Variants in GALNTL6 observed in about 807,000 individuals in gnomAD.
The protein encoded by GALNTL6 is polypeptide N-acetylgalactosaminyltransferase-like 6.
Under a neutral mutation model 73.7 loss-of-function variants are expected in GALNTL6, and 46 were observed. That is an observed-to-expected ratio of 0.62 (90% CI 0.49 to 0.80). The LOEUF (loss-of-function observed/expected upper bound fraction) is 0.80. Among genes scored for constraint, GALNTL6 ranks in the 30% least tolerant of loss-of-function variants. The probability of loss-of-function intolerance (pLI) is 0.00; values close to 1 mark genes in which losing one functional copy is unlikely to be tolerated. For synonymous variants in GALNTL6, 259 were observed against 263.7 expected (o/e 0.98, Z 0.17); for missense variants, 604 against 755.0 (o/e 0.80, Z 2.34).
chr4:172,156,698 C>A (rs1734301253), intron 2 of GALNTL6, among the ~76,000 whole-genome samples: 1 of 151,000 alleles, frequency 6.6e-6, no homozygotes, highest in South Asian at 2.1e-4. Flanking sequence ...AAAACACAAT[C>A]AAGTTGGGGA....
chr4:172,290,676 G>A (rs1379755689), intron 3 of GALNTL6, among the ~76,000 whole-genome samples: 4 of 151,866 alleles, frequency 2.6e-5, no homozygotes, highest in Non-Finnish European at 5.9e-5. Context: ...TGTATAAAAT[G>A]TCTAATAGAG....
chr4:172,365,705 TAA>T (rs11303194), intron 5 of GALNTL6, among the ~76,000 whole-genome samples: 16 of 133,168 alleles, frequency 1.2e-4, no homozygotes, highest in Admixed American at 2.3e-4. Context: ...GTGGGAAATC[TAA>T]AAAAAAAAAA....
chr4:172,168,451 A>C (rs1446642974), intron 2 of GALNTL6, among the ~76,000 whole-genome samples: 2 of 152,166 alleles, frequency 1.3e-5, no homozygotes, highest in Non-Finnish European at 2.9e-5. Flanking sequence ...ATAGATTGGC[A>C]TATAGACACT....
At chr4:172,958,724 T>A (rs968968183) in intron 10 of GALNTL6, among the ~76,000 whole-genome samples, 3 of 152,166 alleles carry the variant, frequency 2.0e-5, no homozygotes, top group African/African-American at 7.2e-5. Flanking sequence ...ATGGGGGCTG[T>A]CTGTGAAGCC....
chr4:172,210,836 C>T (rs1016543054), intron 2 of GALNTL6, among the ~76,000 whole-genome samples: 2 of 152,132 alleles, frequency 1.3e-5, no homozygotes, highest in African/African-American at 4.8e-5. Context: ...ATATTTTGGT[C>T]TTTTCCCACT....
chr4:172,424,293 A>G (rs1201055016), intron 5 of GALNTL6, among the ~76,000 whole-genome samples: 1 of 152,028 alleles, frequency 6.6e-6, no homozygotes, highest in Non-Finnish European at 1.5e-5. Flanking sequence ...AATATTTTAC[A>G]TATCATGAGA....
At chr4:172,910,883 T>C (rs1038051750) in intron 8 of GALNTL6, among the ~76,000 whole-genome samples, 8 of 152,190 alleles carry the variant, frequency 5.3e-5, no homozygotes, top group Admixed American at 2.0e-4. Flanking sequence ...AAGCACTGTT[T>C]GCAGTGAATG....
At chr4:171,905,024 G>C (rs201509964) in intron 2 of GALNTL6, among the ~76,000 whole-genome samples, 2 of 151,622 alleles carry the variant, frequency 1.3e-5, no homozygotes, top group Non-Finnish European at 2.9e-5. Context: ...CAACCGATAC[G>C]AGCCACTGCA....
At chr4:171,933,404 A>G (rs1427550415) in intron 2 of GALNTL6, among the ~76,000 whole-genome samples, 1 of 152,218 alleles carries the variant, frequency 6.6e-6, no homozygotes, top group East Asian at 1.9e-4. Context: ...GCTTTCATAT[A>G]GACAAATGAG....
intron 5 of GALNTL6, among the ~76,000 whole-genome samples, chr4:172,577,043 AAAG>A (rs1195796464): frequency 6.6e-6 from 1 of 152,152 alleles, no homozygotes; most frequent in African/African-American, 2.4e-5. Context: ...CAGTGGCTGG[AAAG>A]AAGGACAGAA....
At chr4:172,664,151 C>T (rs544269922) in intron 5 of GALNTL6, among the ~76,000 whole-genome samples, 2 of 152,186 alleles carry the variant, frequency 1.3e-5, no homozygotes, top group South Asian at 2.1e-4. Flanking sequence ...AGAATGTTCC[C>T]GTATTAAATT....
At chr4:171,898,956 C>A (rs1737003474) in intron 2 of GALNTL6, among the ~76,000 whole-genome samples, 2 of 151,656 alleles carry the variant, frequency 1.3e-5, no homozygotes, top group Non-Finnish European at 2.9e-5. Flanking sequence ...ATATAGATTT[C>A]TTTTTTCTGT....
chr4:172,975,320 T>TAA (rs1750757761), intron 10 of GALNTL6, among the ~76,000 whole-genome samples: 1 of 152,156 alleles, frequency 6.6e-6, no homozygotes. Context: ...GCAGCTTCTA[T>TAA]CTGCAGGCAG....
intron 2 of GALNTL6, among the ~76,000 whole-genome samples, chr4:172,124,823 C>T (rs911110896): frequency 6.6e-5 from 10 of 151,748 alleles, no homozygotes; most frequent in South Asian, 2.1e-4. Context: ...GGAATGTAAA[C>T]AGAAAATTAG....
chr4:172,325,152 T>C (rs907607644), intron 4 of GALNTL6, among the ~76,000 whole-genome samples: 16 of 151,884 alleles, frequency 1.1e-4, no homozygotes, highest in African/African-American at 3.9e-4. Flanking sequence ...TTATGAAACA[T>C]AGACATCATT....
intron 2 of GALNTL6, among the ~76,000 whole-genome samples, chr4:172,135,022 C>T (rs1733599335): frequency 6.6e-6 from 1 of 152,128 alleles, no homozygotes; most frequent in Admixed American, 6.5e-5. Context: ...TTTTACTAAA[C>T]AGTGAGATCA....
At chr4:172,004,672 T>C (rs958202023) in intron 2 of GALNTL6, among the ~76,000 whole-genome samples, 2 of 152,098 alleles carry the variant, frequency 1.3e-5, no homozygotes, top group African/African-American at 2.4e-5. Flanking sequence ...TATGTCTTAA[T>C]GATATATTAG....
At chr4:172,258,966 T>C (rs958402092) in intron 3 of GALNTL6, among the ~76,000 whole-genome samples, 1 of 151,420 alleles carries the variant, frequency 6.6e-6, no homozygotes, top group African/African-American at 2.4e-5. Context: ...ATCATATATA[T>C]ATGCCACATA....
chr4:172,206,781 TGTTTTGTTTTG>T (rs1560969173), intron 2 of GALNTL6, among the ~76,000 whole-genome samples: 2,509 of 112,882 alleles, frequency 0.022, 864 homozygotes, highest in South Asian at 0.036. Flanking sequence ...ACGTGTTTTT[TGTTTTGTTTTG>T]TTTTGTTTTT....
Sources: allele counts gnomAD v4.1 joint callset (sites outside exome capture counted in the v4.1 genomes callset), GRCh38; gene constraint gnomAD v4.1.1; transcripts MANE v1.5; gene names NCBI Gene and HGNC (gene_info 2026-07-23, HGNC 2026-07-21).